MEGF11: variants seen among roughly 807,000 people sequenced by gnomAD.
MEGF11 encodes multiple EGF like domains 11, also known as multiple epidermal growth factor-like domains protein 11.
Under a neutral mutation model 146.6 loss-of-function variants are expected in MEGF11, and 126 were observed. That is an observed-to-expected ratio of 0.86 (90% CI 0.74 to 1.00). The LOEUF is 1.00. Among genes scored for constraint, MEGF11 ranks in the 50% least tolerant of loss-of-function variants. MEGF11 has a pLI of 0.00. For missense variants in MEGF11, 1,509 were observed against 1,521.2 expected (o/e 0.99, Z 0.13); for synonymous variants, 532 against 583.4 (o/e 0.91, Z 1.27).
At chr15:66,176,776 T>C (rs2090398482) in intron 1 of MEGF11, among the ~76,000 whole-genome samples, 1 of 152,218 alleles carries the variant, frequency 6.6e-6, no homozygotes, top group Admixed American at 6.5e-5. Context: ...CAGATGGTTT[T>C]AGGATGAAGC....
chr15:66,059,270 C>G (rs1206382754), intron 5 of MEGF11, among the ~76,000 whole-genome samples: 8 of 152,240 alleles, frequency 5.3e-5, no homozygotes. Flanking sequence ...TCCACTAGCT[C>G]TAACCTAAGT....
chr15:65,955,781 T>C (rs56226440), intron 10 of MEGF11, among the ~76,000 whole-genome samples: 2 of 8,254 alleles, frequency 2.4e-4, no homozygotes, highest in Non-Finnish European at 3.9e-4. Context: ...TATATATATA[T>C]ATATATATAT....
rs1255814672 is a variant in MEGF11 at position 66,094,386 on chromosome 15, C to CA, written c.394+15dup. On this transcript the variant is annotated intron_variant, in intron 5 of 25. Transcript: ENST00000395614. ...CAGAGCCAGGGTGCCTCCTGACCCC[C>CA]AAACCCCAGACTCACCGCTGGAGCA... 28 of 1,551,336 alleles carry CA rather than the reference C, an allele frequency of 1.8e-5. 1 individual carries two copies. Among genetic ancestry groups the CA allele is most frequent in the Non-Finnish European group, 2.4e-5 (28 of 1,146,802 alleles).
At chr15:66,204,979 A>ATTT (rs34157473) in intron 1 of MEGF11, among the ~76,000 whole-genome samples, 1 of 125,154 alleles carries the variant, frequency 8.0e-6, no homozygotes. Context: ...CTTGGGTTGA[A>ATTT]TTTTTTTTTT....
chr15:66,208,271 T>C (rs1194974394), intron 1 of MEGF11, among the ~76,000 whole-genome samples: 1 of 152,086 alleles, frequency 6.6e-6, no homozygotes, highest in African/African-American at 2.4e-5. Context: ...TTCAAATTGG[T>C]AAAATGACAA....
chr15:66,241,027 G>A (rs867911859), intron 1 of MEGF11, among the ~76,000 whole-genome samples: 1 of 152,338 alleles, frequency 6.6e-6, no homozygotes, highest in Middle Eastern at 3.4e-3. Flanking sequence ...ATCCATGGTG[G>A]TCCTTCCCTA....
At position 66,082,672 on chromosome 15, in the gene MEGF11, C is replaced by CAA. The variant is rs71139462; in HGVS notation, c.394+11728_394+11729dup. 1.8e-4 allele frequency among the ~76,000 whole-genome samples: 7 copies of CAA among 39,142 alleles called. 1 individual carries two copies. The highest frequency in any genetic ancestry group is 5.2e-4 in the Admixed American group (1 of 1,926). The allele number at this position is 39,142 out of a possible 152,430, so 25.7% of individuals were successfully genotyped here. ...AGCAAGATGGAGCAAGACTCTGTCT[C>CAA]AAAAAAAAAAAAAAAAAAGGGCGGT... On this transcript the variant is annotated intron_variant, in intron 5 of 25. Coordinates refer to ENST00000395614, the MANE Select transcript of MEGF11 (RefSeq NM_001385028.1).
chr15:66,095,005 A>G (rs2140685871), intron 4 of MEGF11, among the ~76,000 whole-genome samples: 1 of 152,228 alleles, frequency 6.6e-6, no homozygotes, highest in South Asian at 2.1e-4. Flanking sequence ...GGGGCTCTCA[A>G]ATGTCAGCAA....
chr15:66,092,945 C>T (rs948181422), intron 5 of MEGF11, among the ~76,000 whole-genome samples: 3 of 152,170 alleles, frequency 2.0e-5, no homozygotes, highest in Non-Finnish European at 2.9e-5. Flanking sequence ...CAGATAAGGG[C>T]GGGGGAAGCC....
chr15:66,210,844 A>G (rs188869528), intron 1 of MEGF11, among the ~76,000 whole-genome samples: 1 of 152,320 alleles, frequency 6.6e-6, no homozygotes. Context: ...AATTCCCAGC[A>G]ATGAATATCG....
intron 1 of MEGF11, among the ~76,000 whole-genome samples, chr15:66,135,363 T>C (rs1282293435): frequency 6.6e-6 from 1 of 152,228 alleles, no homozygotes; most frequent in East Asian, 1.9e-4. Flanking sequence ...GATCTCATCT[T>C]TCATCCATCC....
intron 1 of MEGF11, among the ~76,000 whole-genome samples, chr15:66,214,123 C>A (rs539396417): frequency 6.6e-6 from 1 of 150,920 alleles, no homozygotes; most frequent in Non-Finnish European, 1.5e-5. Context: ...GCAACCTCTG[C>A]CTCCCGGGTT....
At chr15:66,001,272 TGC>T (rs1236788833) in intron 5 of MEGF11, among the ~76,000 whole-genome samples, 1 of 152,132 alleles carries the variant, frequency 6.6e-6, no homozygotes, top group African/African-American at 2.4e-5. Flanking sequence ...TTCTATGCAG[TGC>T]ACAACCTGAA....
At chr15:66,001,509 T>C (rs2082366696) in intron 5 of MEGF11, among the ~76,000 whole-genome samples, 1 of 152,144 alleles carries the variant, frequency 6.6e-6, no homozygotes, top group Non-Finnish European at 1.5e-5. Flanking sequence ...GTCACTCTGC[T>C]GCTCAGCCCC....
intron 8 of MEGF11, among the ~76,000 whole-genome samples, chr15:65,969,014 C>T (rs564277974): frequency 3.3e-5 from 5 of 152,310 alleles, no homozygotes; most frequent in African/African-American, 1.2e-4. Flanking sequence ...GCTGCCTGGC[C>T]TCCTATTGAA....
intron 3 of MEGF11, among the ~76,000 whole-genome samples, chr15:66,119,757 C>T (rs2087928475): frequency 6.6e-6 from 1 of 152,138 alleles, no homozygotes. Flanking sequence ...GCCTCGCATG[C>T]CATCCCTGGG....
chr15:66,215,161 C>A (rs976787333), intron 1 of MEGF11, among the ~76,000 whole-genome samples: 1 of 152,166 alleles, frequency 6.6e-6, no homozygotes, highest in Non-Finnish European at 1.5e-5. Flanking sequence ...AGTCTCAGTG[C>A]GTTTTCACTT....
chr15:66,099,514 G>C (rs961382924), intron 4 of MEGF11, among the ~76,000 whole-genome samples: 1 of 152,102 alleles, frequency 6.6e-6, no homozygotes, highest in Non-Finnish European at 1.5e-5. Flanking sequence ...TGGTGCCCTT[G>C]CTGATTTGTA....
intron 1 of MEGF11, among the ~76,000 whole-genome samples, chr15:66,201,950 A>AG (rs2091170965): frequency 2.6e-5 from 2 of 78,108 alleles, no homozygotes; most frequent in African/African-American, 8.6e-5. Context: ...CCATCTCAAA[A>AG]AAAAAAAAAA....
Sources: gnomAD v4.1 joint callset for allele counts (sites outside exome capture counted in the v4.1 genomes callset) on GRCh38, gnomAD v4.1.1 for gene constraint, MANE v1.5 for transcripts, NCBI Gene and HGNC (gene_info 2026-07-23, HGNC 2026-07-21) for gene names.